The following CENPP variants were observed in gnomAD, a reference collection of about 807,000 sequenced individuals.
CENPP encodes centromere protein P.
In CENPP, 24 loss-of-function variants were observed where a neutral mutation model predicts 35.6. The observed-to-expected ratio is 0.67, with a 90% CI of 0.49 to 0.95. The LOEUF is 0.95. CENPP is among the 40% of genes least tolerant of loss of function. CENPP has a pLI of 0.00. For missense variants in CENPP, 332 were observed against 345.3 expected, an observed-to-expected ratio of 0.96 and a Z score of 0.31; for synonymous variants, 120 against 125.5, an observed-to-expected ratio of 0.96 and a Z score of 0.29.
intron 5 of CENPP, chr9:92,416,838 C>G (rs1564309818): frequency 6.2e-7 from 1 of 1,613,794 alleles, no homozygotes; most frequent in Non-Finnish European, 8.5e-7. Flanking sequence ...GAATTATTTT[C>G]TAAAGACAGA....
intron 5 of CENPP, among the ~76,000 whole-genome samples, chr9:92,399,897 A>G (rs868255359): frequency 6.6e-6 from 1 of 152,164 alleles, no homozygotes; most frequent in South Asian, 2.1e-4. Flanking sequence ...TTTTTAAAGT[A>G]TAGAGTTTTA....
intron 5 of CENPP, chr9:92,511,920 C>G: frequency 2.2e-6 from 2 of 897,500 alleles, no homozygotes; most frequent in Admixed American, 2.5e-5. Context: ...CAATTAGAAG[C>G]ATTTTCCTTT....
intron 5 of CENPP, among the ~76,000 whole-genome samples, chr9:92,391,484 A>G (rs1458006638): frequency 6.6e-6 from 1 of 152,154 alleles, no homozygotes; most frequent in Non-Finnish European, 1.5e-5. Context: ...CTGTAGTCTC[A>G]GCTACTTGCG....
At chr9:92,533,316 AAAAAAAAAAAAAATATATAT>A (rs1202785731) in intron 5 of CENPP, among the ~76,000 whole-genome samples, 1 of 97,178 alleles carries the variant, frequency 1.0e-5, no homozygotes, top group Admixed American at 1.1e-4. Context: ...AAAAAAAAAA[AAAAAAAAAAAAAATATATAT>A]ATATATATAT....
At chr9:92,514,668 C>G (rs781597574) in intron 5 of CENPP, 1 of 1,602,594 alleles carries the variant, frequency 6.2e-7, no homozygotes, top group Non-Finnish European at 8.5e-7. Context: ...GTGCTGTCAG[C>G]GGTGGTATCT....
chr9:92,428,648 T>C (rs900640830), intron 5 of CENPP, among the ~76,000 whole-genome samples: 1 of 143,982 alleles, frequency 6.9e-6, no homozygotes, highest in African/African-American at 2.4e-5. Context: ...CAAGCAATTT[T>C]CTTCTTGTCT....
At chr9:92,371,073 A>G (rs1391798793) in intron 4 of CENPP, among the ~76,000 whole-genome samples, 1 of 151,770 alleles carries the variant, frequency 6.6e-6, no homozygotes, top group African/African-American at 2.4e-5. Context: ...GGTCCTTTGC[A>G]TTATTTATTT....
chr9:92,471,495 G>A (rs554109785), intron 5 of CENPP, among the ~76,000 whole-genome samples: 69 of 151,630 alleles, frequency 4.6e-4, no homozygotes, highest in Non-Finnish European at 3.4e-4. Context: ...GCACCCAGCC[G>A]GGTCTTGATC....
intron 5 of CENPP, among the ~76,000 whole-genome samples, chr9:92,405,509 G>A (rs1007818324): frequency 6.6e-6 from 1 of 152,080 alleles, no homozygotes; most frequent in African/African-American, 2.4e-5. Flanking sequence ...GTTTTTATTT[G>A]AATGTGAATT....
At chr9:92,437,732 A>G (rs1425236592) in intron 5 of CENPP, among the ~76,000 whole-genome samples, 1 of 151,928 alleles carries the variant, frequency 6.6e-6, no homozygotes. Flanking sequence ...GCCTTTTGGC[A>G]CATAAATATT....
intron 5 of CENPP, chr9:92,386,167 T>A: frequency 1.4e-6 from 2 of 1,459,042 alleles, no homozygotes; most frequent in Non-Finnish European, 1.9e-6. Context: ...TCATAGGTAA[T>A]TAGAGTCAGA....
chr9:92,531,711 C>T (rs1338106255), intron 5 of CENPP, among the ~76,000 whole-genome samples: 1 of 152,076 alleles, frequency 6.6e-6, no homozygotes, highest in Non-Finnish European at 1.5e-5. Flanking sequence ...TTAGGTTTAC[C>T]TAAACATTTA....
intron 5 of CENPP, among the ~76,000 whole-genome samples, chr9:92,574,106 G>A (rs112794789): frequency 0.015 from 2,326 of 152,236 alleles, 72 homozygotes; most frequent in African/African-American, 0.053. Context: ...ACAAGCCCTA[G>A]TGAGATGAAC....
chr9:92,502,241 C>A (rs368651072), intron 5 of CENPP, among the ~76,000 whole-genome samples: 1 of 152,150 alleles, frequency 6.6e-6, no homozygotes, highest in Admixed American at 6.5e-5. Context: ...CAGCACTTGG[C>A]ATATGATAGG....
At chr9:92,433,121 G>A (rs1588126702) in intron 5 of CENPP, among the ~76,000 whole-genome samples, 1 of 152,258 alleles carries the variant, frequency 6.6e-6, no homozygotes, top group East Asian at 1.9e-4. Context: ...TAATGAACAG[G>A]AATTTATTTC....
At chr9:92,405,555 T>C (rs1843282426) in intron 5 of CENPP, among the ~76,000 whole-genome samples, 2 of 152,154 alleles carry the variant, frequency 1.3e-5, no homozygotes, top group Admixed American at 1.3e-4. Flanking sequence ...CTGGCTTGAG[T>C]TGATATAAAT....
At chr9:92,499,576 T>C (rs1286891601) in intron 5 of CENPP, among the ~76,000 whole-genome samples, 1 of 152,094 alleles carries the variant, frequency 6.6e-6, no homozygotes, top group Non-Finnish European at 1.5e-5. Context: ...TCAAAAAAGG[T>C]GGGACAAACA....
chr9:92,499,697 T>C (rs1369673312), intron 5 of CENPP, among the ~76,000 whole-genome samples: 1 of 152,234 alleles, frequency 6.6e-6, no homozygotes, highest in Admixed American at 6.5e-5. Flanking sequence ...AACCCCCATC[T>C]CTTCCTCCAG....
intron 5 of CENPP, among the ~76,000 whole-genome samples, chr9:92,429,451 C>G (rs905760652): frequency 6.6e-6 from 1 of 152,174 alleles, no homozygotes; most frequent in African/African-American, 2.4e-5. Flanking sequence ...GAACAAATGA[C>G]TGTTATCCTT....
Sources: gnomAD v4.1 joint callset for allele counts (sites outside exome capture counted in the v4.1 genomes callset) on GRCh38, gnomAD v4.1.1 for gene constraint, MANE v1.5 for transcripts, NCBI Gene and HGNC (gene_info 2026-07-23, HGNC 2026-07-21) for gene names.